The following MACROD2 variants were observed in gnomAD, a reference collection of about 807,000 sequenced individuals.
MACROD2 encodes mono-ADP ribosylhydrolase 2, also known as ADP-ribose glycohydrolase MACROD2.
In MACROD2, 36 loss-of-function variants were observed where a neutral mutation model predicts 70.4. The observed-to-expected ratio is 0.51, with a 90% CI of 0.39 to 0.68. MACROD2 has a LOEUF of 0.68. MACROD2 is among the 30% of genes least tolerant of loss of function. The pLI is 0.00. For missense variants in MACROD2, 496 were observed against 538.4 expected (o/e 0.92, Z 0.78); for synonymous variants, 172 against 178.8 (o/e 0.96, Z 0.30).
At chr20:14,093,681 C>A (rs889112759) in intron 3 of MACROD2, among the ~76,000 whole-genome samples, 17 of 148,538 alleles carry the variant, frequency 1.1e-4, no homozygotes, top group African/African-American at 3.9e-4. Flanking sequence ...AAAAAAAAAA[C>A]CCCAAAAATA....
At chr20:14,692,870 C>T (rs1366719685) in intron 5 of MACROD2, among the ~76,000 whole-genome samples, 1 of 152,152 alleles carries the variant, frequency 6.6e-6, no homozygotes, top group African/African-American at 2.4e-5. Flanking sequence ...ATAGAGTCCA[C>T]CCCCAAATGG....
intron 8 of MACROD2, among the ~76,000 whole-genome samples, chr20:15,596,331 CT>C (rs1196315904): frequency 6.6e-6 from 1 of 152,116 alleles, no homozygotes; most frequent in Non-Finnish European, 1.5e-5. Context: ...TGTTGTAATG[CT>C]TTTATTTTGC....
At chr20:15,698,276 C>T (rs1366000187) in intron 8 of MACROD2, among the ~76,000 whole-genome samples, 1 of 152,086 alleles carries the variant, frequency 6.6e-6, no homozygotes, top group Non-Finnish European at 1.5e-5. Flanking sequence ...TTGATAATGG[C>T]GAATTCTCTC....
intron 8 of MACROD2, among the ~76,000 whole-genome samples, chr20:15,852,976 A>T (rs1157147639): frequency 6.6e-6 from 1 of 152,136 alleles, no homozygotes; most frequent in Non-Finnish European, 1.5e-5. Flanking sequence ...GCACCACTGC[A>T]CTCCAGCCGG....
chr20:15,928,018 C>T (rs1298612825), intron 10 of MACROD2, among the ~76,000 whole-genome samples: 1 of 152,158 alleles, frequency 6.6e-6, no homozygotes, highest in Non-Finnish European at 1.5e-5. Flanking sequence ...TCCTAGATTG[C>T]TATTAGGTTA....
At chr20:14,821,117 T>G (rs2072839335) in intron 5 of MACROD2, among the ~76,000 whole-genome samples, 1 of 152,134 alleles carries the variant, frequency 6.6e-6, no homozygotes, top group Non-Finnish European at 1.5e-5. Context: ...AATAGATGCC[T>G]TTCATATGAA....
intron 8 of MACROD2, among the ~76,000 whole-genome samples, chr20:15,751,065 A>G (rs2051262028): frequency 6.6e-6 from 1 of 151,978 alleles, no homozygotes; most frequent in Non-Finnish European, 1.5e-5. Context: ...GATGAATAAG[A>G]TCTGGGATTC....
At chr20:14,068,643 G>A (rs2053799642) in intron 2 of MACROD2, among the ~76,000 whole-genome samples, 1 of 152,000 alleles carries the variant, frequency 6.6e-6, no homozygotes, top group African/African-American at 2.4e-5. Flanking sequence ...AGGGCTTTAG[G>A]GTGGGATGAG....
At chr20:15,162,226 A>G (rs1383685134) in intron 5 of MACROD2, among the ~76,000 whole-genome samples, 1 of 152,020 alleles carries the variant, frequency 6.6e-6, no homozygotes, top group Admixed American at 6.6e-5. Flanking sequence ...ATTGTTTTTT[A>G]AAAAGGACTA....
intron 8 of MACROD2, among the ~76,000 whole-genome samples, chr20:15,739,073 G>A (rs1282006409): frequency 6.6e-6 from 1 of 152,104 alleles, no homozygotes; most frequent in Non-Finnish European, 1.5e-5. Context: ...TGGATGGAGA[G>A]GAATGATAAG....
intron 5 of MACROD2, among the ~76,000 whole-genome samples, chr20:15,095,508 T>C (rs2075824244): frequency 6.6e-6 from 1 of 151,866 alleles, no homozygotes; most frequent in African/African-American, 2.4e-5. Context: ...TTGTTTTGTG[T>C]TTTTTGTTTT....
chr20:14,510,005 A>G (rs1340179619), intron 4 of MACROD2, among the ~76,000 whole-genome samples: 1 of 152,046 alleles, frequency 6.6e-6, no homozygotes, highest in Non-Finnish European at 1.5e-5. Context: ...AAAAGTCTTT[A>G]TTGGCAAAAC....
At chr20:14,907,496 C>A (rs1476318597) in intron 5 of MACROD2, among the ~76,000 whole-genome samples, 2 of 152,114 alleles carry the variant, frequency 1.3e-5, no homozygotes, top group Non-Finnish European at 2.9e-5. Context: ...GTATGTGGTC[C>A]AGGAGGGAGT....
chr20:15,177,070 G>T (rs1010815574), intron 5 of MACROD2, among the ~76,000 whole-genome samples: 1 of 152,172 alleles, frequency 6.6e-6, no homozygotes, highest in African/African-American at 2.4e-5. Flanking sequence ...TGTGCACAGT[G>T]ACCAGACCCT....
intron 8 of MACROD2, among the ~76,000 whole-genome samples, chr20:15,732,279 A>G (rs1243438990): frequency 2.0e-5 from 3 of 152,112 alleles, no homozygotes; most frequent in Non-Finnish European, 4.4e-5. Context: ...CCTACAAGTC[A>G]GAACACTGTT....
chr20:15,494,434 C>T (rs148234291), intron 7 of MACROD2, among the ~76,000 whole-genome samples: 237 of 152,082 alleles, frequency 1.6e-3, no homozygotes, highest in Non-Finnish European at 2.4e-3. Context: ...AGTTGTTCAT[C>T]AACACTCGAC....
intron 3 of MACROD2, among the ~76,000 whole-genome samples, chr20:14,316,264 C>T (rs959531336): frequency 6.6e-6 from 1 of 152,132 alleles, no homozygotes; most frequent in African/African-American, 2.4e-5. Flanking sequence ...ATTGATGACT[C>T]CAAGTCATCA....
At chr20:15,499,751 G>GT (rs753450881) in intron 7 of MACROD2, 23 bp from the exon 8 acceptor site, 6 of 1,612,426 alleles carry the variant, frequency 3.7e-6, no homozygotes, top group South Asian at 1.1e-5. Flanking sequence ...TTGTTCATTT[G>GT]TTTTTTCCTG....
chr20:15,383,760 A>T (rs966483267), intron 6 of MACROD2, among the ~76,000 whole-genome samples: 10 of 152,214 alleles, frequency 6.6e-5, no homozygotes, highest in Non-Finnish European at 1.0e-4. Flanking sequence ...GATAAGTTTC[A>T]TGTTGACAGA....
Sources: gnomAD v4.1 joint callset for allele counts (sites outside exome capture counted in the v4.1 genomes callset) on GRCh38, gnomAD v4.1.1 for gene constraint, MANE v1.5 for transcripts, NCBI Gene and HGNC (gene_info 2026-07-23, HGNC 2026-07-21) for gene names.